Variants in SLC44A1 observed in about 807,000 individuals in gnomAD.
SLC44A1 encodes choline transporter-like protein 1.
SLC44A1 carries 26 observed loss-of-function variants against 79.3 expected under a neutral mutation model. The observed-to-expected ratio is 0.33, with a 90% CI of 0.24 to 0.46. The LOEUF is 0.46. Among genes scored for constraint, SLC44A1 ranks in the 20% least tolerant of loss-of-function variants. SLC44A1 has a pLI of 1.00. For missense variants in SLC44A1, 688 were observed against 798.1 expected, an observed-to-expected ratio of 0.86 and a Z score of 1.66; for synonymous variants, 263 against 286.2, an observed-to-expected ratio of 0.92 and a Z score of 0.82.
At chr9:105,318,311 G>A (rs1336000214) in intron 3 of SLC44A1, among the ~76,000 whole-genome samples, 2 of 152,098 alleles carry the variant, frequency 1.3e-5, no homozygotes, top group Non-Finnish European at 2.9e-5. Flanking sequence ...CTCCCAAGTA[G>A]CTGGGATCAC....
chr9:105,273,716 G>A (rs1253858759), intron 1 of SLC44A1, among the ~76,000 whole-genome samples: 2 of 152,094 alleles, frequency 1.3e-5, no homozygotes, highest in East Asian at 1.9e-4. Flanking sequence ...AGCAGTGACA[G>A]TTCATACCAT....
rs1347251377 is a variant in SLC44A1 at position 105,395,862 on chromosome 9, CCTT to C, written c.*6811_*6813del. 7.1e-6 allele frequency: 7 copies of C among 982,060 alleles called. No individual in the cohort carries two copies. Among genetic ancestry groups the C allele is most frequent in the African/African-American group, 7.1e-5 (4 of 56,640 alleles). The allele number at this position is 982,060 out of a possible 1,614,324, so 60.8% of individuals were successfully genotyped here. Reference sequence around the variant, plus strand: ...TAGTTGCCACTAGAAAATGTGAGCTCCTTCTTCATTTACCATGTTGATAATCCG... The same window carrying C: ...TAGTTGCCACTAGAAAATGTGAGCTCCTTCATTTACCATGTTGATAATCCG... On this transcript the variant is annotated 3_prime_UTR_variant, in exon 16 of 16. Coordinates refer to ENST00000374720, the MANE Select transcript of SLC44A1 (RefSeq NM_080546.5).
intron 4 of SLC44A1, among the ~76,000 whole-genome samples, chr9:105,342,513 C>T (rs962885051): frequency 1.3e-5 from 2 of 152,254 alleles, no homozygotes; most frequent in African/African-American, 2.4e-5. Flanking sequence ...AATCTCCCTC[C>T]TTCAGCTTTC....
intron 12 of SLC44A1, among the ~76,000 whole-genome samples, chr9:105,373,271 A>C (rs1037013512): frequency 2.0e-5 from 3 of 152,216 alleles, no homozygotes; most frequent in Admixed American, 1.3e-4. Flanking sequence ...AGTCAGCACT[A>C]AACCCAAATT....
At chr9:105,423,508 T>C (rs1489948762) in intron 15 of SLC44A1, among the ~76,000 whole-genome samples, 3 of 152,192 alleles carry the variant, frequency 2.0e-5, no homozygotes, top group Non-Finnish European at 4.4e-5. Flanking sequence ...TGCACATTTT[T>C]ATCCAGCAAT....
chr9:105,251,869 C>G (rs73508602), intron 1 of SLC44A1, among the ~76,000 whole-genome samples: 28 of 152,266 alleles, frequency 1.8e-4, no homozygotes, highest in African/African-American at 6.3e-4. Flanking sequence ...TATGTGTTTT[C>G]CCTGTGAGCA....
At chr9:105,250,070 C>T (rs1001778480) in intron 1 of SLC44A1, among the ~76,000 whole-genome samples, 1 of 151,428 alleles carries the variant, frequency 6.6e-6, no homozygotes, top group Non-Finnish European at 1.5e-5. Context: ...GAGACAGGAT[C>T]CCACTATGTT....
At chr9:105,355,915 G>A (rs998733455) in intron 5 of SLC44A1, 8 of 303,234 alleles carry the variant, frequency 2.6e-5, no homozygotes, top group Admixed American at 5.3e-5. Flanking sequence ...TTTGCTTTTG[G>A]TAGTTGTGTG....
At chr9:105,364,445 A>AC in intron 9 of SLC44A1, 110 bp from the exon 10 acceptor site, 1 of 823,472 alleles carries the variant, frequency 1.2e-6, no homozygotes, top group Non-Finnish European at 1.9e-6. Context: ...TACCACACAG[A>AC]TCAGAAGGTT....
intron 5 of SLC44A1, among the ~76,000 whole-genome samples, chr9:105,348,832 TG>T (rs1464364502): frequency 6.6e-6 from 1 of 152,144 alleles, no homozygotes; most frequent in Non-Finnish European, 1.5e-5. Context: ...TAATATTTAC[TG>T]GGATTGTTTT....
At chr9:105,383,903 C>T (rs1489919537) in intron 14 of SLC44A1, among the ~76,000 whole-genome samples, 1 of 152,172 alleles carries the variant, frequency 6.6e-6, no homozygotes, top group Non-Finnish European at 1.5e-5. Context: ...AACCTTTACA[C>T]AGATATATGC....
intron 15 of SLC44A1, chr9:105,385,892 G>T: frequency 2.0e-6 from 2 of 985,186 alleles, no homozygotes; most frequent in Non-Finnish European, 2.4e-6. Flanking sequence ...TTTGGAAGGT[G>T]ATCATAGCAA....
In SLC44A1 at chr9:105,348,225, G is replaced by A. The variant is rs553273529; in HGVS notation, c.407-133G>A. 3 of 548,514 alleles carry A rather than the reference G, an allele frequency of 5.5e-6. No individual in the cohort carries two copies. The East Asian group carries it at 9.0e-5, about 16-fold the overall frequency. The allele number at this position is 548,514 out of a possible 1,614,324, so 34.0% of individuals were successfully genotyped here. On this transcript the variant is annotated intron_variant, in intron 4 of 15. Transcript: ENST00000374720. ...TTAAATGATTGAGGACTTATAATAT[G>A]GATCAAATCAGATTTTTATGAATTC...
chr9:105,370,610 A>T, intron 12 of SLC44A1, among the ~76,000 whole-genome samples: 1 of 152,228 alleles, frequency 6.6e-6, no homozygotes, highest in African/African-American at 2.4e-5. Context: ...CTCAAATGAA[A>T]TGAAGCTTCT....
chr9:105,382,771 T>C (rs1268313793), intron 13 of SLC44A1, among the ~76,000 whole-genome samples: 1 of 152,154 alleles, frequency 6.6e-6, no homozygotes, highest in African/African-American at 2.4e-5. Flanking sequence ...TCACTTTTTT[T>C]CTGAGTGCTA....
Position 105,361,240 on chromosome 9 carries a change from C to G in SLC44A1, c.810C>G (p.Pro270=). ...TGTATGCAAAGCAAAGAAGGTCTCC[C>G]AAAGAAACTGTTACTCCTGAGCAGC... is the stretch of plus-strand genomic sequence containing the variant. ...WWLYAKQRRS[P]KETVTPEQLQ... is the part of the protein sequence containing the mutation. Residue 270 remains proline (P), a synonymous_variant, in exon 8 of 16, where the codon CCC becomes CCG. Transcript: ENST00000374720. The G allele has an allele frequency of 6.2e-7, 1 of 1,614,026 alleles. No individual in the cohort carries two copies. Among genetic ancestry groups the G allele is most frequent in the African/African-American group, 1.3e-5 (1 of 75,054 alleles).
Position 105,244,822 on chromosome 9 carries a change from G to A in SLC44A1, c.-47G>A, listed in dbSNP as rs1456022635. Reference sequence around the variant, plus strand: ...GGCTCGCATGCCGAGGGGCTCCGGGGCGTAGCTGCGCGCCCGGCGCCGCCT... The same window carrying A: ...GGCTCGCATGCCGAGGGGCTCCGGGACGTAGCTGCGCGCCCGGCGCCGCCT... On this transcript the variant is annotated 5_prime_UTR_variant, in exon 1 of 16. Transcript: ENST00000374720. 51 of 1,081,762 alleles carry A rather than the reference G, an allele frequency of 4.7e-5. No homozygotes were observed. Among genetic ancestry groups the A allele is most frequent in the Middle Eastern group, 3.9e-4 (1 of 2,542 alleles). The allele number at this position is 1,081,762 out of a possible 1,614,324, so 67.0% of individuals were successfully genotyped here. A position where few individuals can be genotyped will look rare whatever the true frequency, so the allele number is the denominator to read the frequency against.
intron 1 of SLC44A1, among the ~76,000 whole-genome samples, chr9:105,245,825 A>G (rs915993565): frequency 1.3e-5 from 2 of 152,194 alleles, no homozygotes; most frequent in Non-Finnish European, 2.9e-5. Context: ...CCTGGGTGGA[A>G]ATGTTTAGAC....
At chr9:105,379,136 C>T (rs577286749) in intron 13 of SLC44A1, among the ~76,000 whole-genome samples, 1 of 152,172 alleles carries the variant, frequency 6.6e-6, no homozygotes, top group African/African-American at 2.4e-5. Flanking sequence ...ATTTTCCTGG[C>T]ATGGTGGGGT....
Sources: gnomAD v4.1 joint callset for allele counts (sites outside exome capture counted in the v4.1 genomes callset) on GRCh38, gnomAD v4.1.1 for gene constraint, MANE v1.5 for transcripts, NCBI Gene and HGNC (gene_info 2026-07-23, HGNC 2026-07-21) for gene names.